Variants in SLC18A1 observed in about 807,000 individuals in gnomAD.
The protein encoded by SLC18A1 is solute carrier family 18 member A1.
A neutral mutation model predicts 53.7 loss-of-function variants in SLC18A1; 69 were observed. The observed-to-expected ratio is 1.28, with a 90% CI of 1.06 to 1.57. The LOEUF (loss-of-function observed/expected upper bound fraction) is 1.57, where lower values mean the gene tolerates loss of function less well. Among genes scored for constraint, SLC18A1 ranks in the 40% most tolerant of loss-of-function variants. SLC18A1 has a pLI of 0.00. For synonymous variants in SLC18A1, 320 were observed against 248.1 expected (o/e 1.29, Z -2.72); for missense variants, 932 against 668.1 (o/e 1.40, Z -4.35).
intron 3 of SLC18A1, among the ~76,000 whole-genome samples, chr8:20,178,885 T>C (rs1352007713): frequency 6.6e-6 from 1 of 152,226 alleles, no homozygotes; most frequent in Non-Finnish European, 1.5e-5. Flanking sequence ...AGCACACTGC[T>C]GTTCATGGTT....
chr8:20,160,912 C>A (rs1265233159), intron 10 of SLC18A1, among the ~76,000 whole-genome samples: 2 of 152,058 alleles, frequency 1.3e-5, no homozygotes, highest in Non-Finnish European at 2.9e-5. Context: ...CCAAACTCCC[C>A]CCTTTTGTGA....
chr8:20,148,518 T>G (rs2071463571), intron 12 of SLC18A1: 2 of 1,275,422 alleles, frequency 1.6e-6, no homozygotes, highest in Non-Finnish European at 2.0e-6. Flanking sequence ...ACTTGGTAGC[T>G]GTTGGAAAAA....
chr8:20,170,891 C>G (rs1232698139), intron 8 of SLC18A1, among the ~76,000 whole-genome samples: 1 of 152,166 alleles, frequency 6.6e-6, no homozygotes, highest in East Asian at 1.9e-4. Flanking sequence ...GCACAAGGTT[C>G]TTCCACCATC....
intron 10 of SLC18A1, among the ~76,000 whole-genome samples, chr8:20,162,981 T>A (rs1249819892): frequency 6.6e-6 from 1 of 152,208 alleles, no homozygotes; most frequent in Admixed American, 6.5e-5. Flanking sequence ...CATTACCCAT[T>A]TTCTGTCTTA....
At chr8:20,182,558 G>T (rs2072456292) in intron 1 of SLC18A1, among the ~76,000 whole-genome samples, 1 of 152,094 alleles carries the variant, frequency 6.6e-6, no homozygotes, top group Admixed American at 6.6e-5. Flanking sequence ...TCAATAATGA[G>T]CTACTTTTGT....
intron 10 of SLC18A1, among the ~76,000 whole-genome samples, chr8:20,162,041 A>C (rs2071843759): frequency 6.6e-6 from 1 of 152,130 alleles, no homozygotes; most frequent in African/African-American, 2.4e-5. Context: ...CATAGACACC[A>C]CCAAGGCTTA....
intron 10 of SLC18A1, among the ~76,000 whole-genome samples, chr8:20,156,519 G>A (rs1003779218): frequency 6.6e-6 from 1 of 152,192 alleles, no homozygotes; most frequent in South Asian, 2.1e-4. Context: ...TAATTGATAA[G>A]GAAACTCTTG....
intron 10 of SLC18A1, among the ~76,000 whole-genome samples, chr8:20,156,031 C>A (rs1342767355): frequency 6.6e-6 from 1 of 152,236 alleles, no homozygotes; most frequent in South Asian, 2.1e-4. Context: ...AGCCTCAGCT[C>A]CTTGGCGAGG....
intron 12 of SLC18A1, chr8:20,148,559 T>C (rs4921692): frequency 0.087 from 84,287 of 971,588 alleles, 4,271 homozygotes; most frequent in East Asian, 0.13. Context: ...AACAACCAGT[T>C]AGCTGTAAGC....
chr8:20,164,306 T>C (rs1021474140), intron 10 of SLC18A1, among the ~76,000 whole-genome samples: 2 of 151,718 alleles, frequency 1.3e-5, no homozygotes, highest in Non-Finnish European at 2.9e-5. Context: ...CCTGGGCCCA[T>C]AGCTTTTCCT....
chr8:20,151,417 G>T (rs376795153), intron 10 of SLC18A1, among the ~76,000 whole-genome samples: 4 of 152,132 alleles, frequency 2.6e-5, no homozygotes, highest in Non-Finnish European at 5.9e-5. Context: ...AGGTGGTGTG[G>T]TTGGGTGCCA....
chr8:20,182,438 A>G (rs1479917842), intron 1 of SLC18A1, among the ~76,000 whole-genome samples: 5 of 152,250 alleles, frequency 3.3e-5, no homozygotes, highest in Admixed American at 3.3e-4. Flanking sequence ...CTTTATCTCA[A>G]TTGTCTAAAT....
chr8:20,147,825 C>T, intron 13 of SLC18A1, 103 bp from the exon 14 acceptor site: 5 of 1,529,874 alleles, frequency 3.3e-6, no homozygotes, highest in Non-Finnish European at 4.4e-6. Context: ...CTGTCTTCTG[C>T]CTCGGACTAA....
At chr8:20,158,119 C>G (rs1322320316) in intron 10 of SLC18A1, among the ~76,000 whole-genome samples, 2 of 152,202 alleles carry the variant, frequency 1.3e-5, no homozygotes, top group Non-Finnish European at 2.9e-5. Flanking sequence ...TGTCATCACC[C>G]TCACAGAGCC....
At chr8:20,152,754 A>G (rs1268828427) in intron 10 of SLC18A1, among the ~76,000 whole-genome samples, 1 of 152,038 alleles carries the variant, frequency 6.6e-6, no homozygotes, top group African/African-American at 2.4e-5. Context: ...GCCTTGGGGG[A>G]CTCCTATCTT....
chr8:20,163,615 G>A (rs941249299), intron 10 of SLC18A1, among the ~76,000 whole-genome samples: 9 of 152,226 alleles, frequency 5.9e-5, no homozygotes, highest in Admixed American at 1.3e-4. Context: ...GATTTTCTAG[G>A]TGTGATCACT....
intron 6 of SLC18A1, among the ~76,000 whole-genome samples, chr8:20,172,529 G>A (rs2072149308): frequency 6.6e-6 from 1 of 152,172 alleles, no homozygotes. Context: ...CTCAAAGAAA[G>A]GGTAGTTTTA....
At chr8:20,166,299 A>ATG (rs1368515617) in intron 8 of SLC18A1, among the ~76,000 whole-genome samples, 3 of 83,646 alleles carry the variant, frequency 3.6e-5, no homozygotes, top group Non-Finnish European at 7.2e-5. Flanking sequence ...CTATATATAT[A>ATG]TATATATATA....
chr8:20,163,063 G>A (rs7836082), intron 10 of SLC18A1, among the ~76,000 whole-genome samples: 1 of 152,128 alleles, frequency 6.6e-6, no homozygotes, highest in African/African-American at 2.4e-5. Context: ...GATTTATTTG[G>A]CTCAGGGTTC....
Sources: allele counts gnomAD v4.1 joint callset (sites outside exome capture counted in the v4.1 genomes callset), GRCh38; gene constraint gnomAD v4.1.1; transcripts MANE v1.5; gene names NCBI Gene and HGNC (gene_info 2026-07-23, HGNC 2026-07-21).